ADAMTS17: variants seen among roughly 807,000 people sequenced by gnomAD.
ADAMTS17 encodes the protein A disintegrin and metalloproteinase with thrombospondin motifs 17.
A neutral mutation model predicts 141.5 loss-of-function variants in ADAMTS17; 113 were observed. The observed-to-expected ratio is 0.80, with a 90% confidence interval of 0.69 to 0.93. ADAMTS17 has a LOEUF of 0.93. ADAMTS17 is among the 40% of genes least tolerant of loss of function. The pLI is 0.00. For missense variants in ADAMTS17, 1,659 were observed against 1,517.9 expected (o/e 1.09, Z -1.54); for synonymous variants, 768 against 630.6 (o/e 1.22, Z -3.27).
intron 8 of ADAMTS17, among the ~76,000 whole-genome samples, chr15:100,165,549 A>G (rs1366475007): frequency 6.6e-6 from 1 of 152,238 alleles, no homozygotes; most frequent in Non-Finnish European, 1.5e-5. Context: ...AAATGCATCT[A>G]GAGCCAATGC....
chr15:100,262,727 T>C (rs2043568562), intron 4 of ADAMTS17, among the ~76,000 whole-genome samples: 1 of 150,680 alleles, frequency 6.6e-6, no homozygotes, highest in Non-Finnish European at 1.5e-5. Flanking sequence ...ACAAATTCCA[T>C]TCATAACAAA....
intron 7 of ADAMTS17, among the ~76,000 whole-genome samples, chr15:100,206,870 C>G (rs997609674): frequency 6.6e-6 from 1 of 152,190 alleles, no homozygotes; most frequent in African/African-American, 2.4e-5. Context: ...TGATCTTTCT[C>G]AGCATTTCTG....
intron 15 of ADAMTS17, chr15:100,063,774 G>C (rs771585108): frequency 1.6e-6 from 2 of 1,288,726 alleles, no homozygotes; most frequent in South Asian, 1.2e-5. Flanking sequence ...AGCAACAAAC[G>C]ACACAGAAGT....
chr15:100,105,278 G>C (rs2036345194), intron 14 of ADAMTS17, among the ~76,000 whole-genome samples: 1 of 152,304 alleles, frequency 6.6e-6, no homozygotes, highest in Admixed American at 6.5e-5. Flanking sequence ...GGCTCCCAAG[G>C]AGCAAAAGAC....
intron 15 of ADAMTS17, among the ~76,000 whole-genome samples, chr15:100,069,406 C>T (rs1255332323): frequency 6.6e-6 from 1 of 152,194 alleles, no homozygotes; most frequent in Admixed American, 6.5e-5. Context: ...CACAAAGATA[C>T]TCCTTGAGAA....
chr15:100,255,271 G>A (rs915286236), intron 6 of ADAMTS17, among the ~76,000 whole-genome samples: 3 of 152,216 alleles, frequency 2.0e-5, no homozygotes, highest in Admixed American at 1.3e-4. Flanking sequence ...GGACTCAGCC[G>A]GCTGAGGAGC....
intron 7 of ADAMTS17, among the ~76,000 whole-genome samples, chr15:100,228,761 A>T (rs1250058867): frequency 6.6e-6 from 1 of 152,190 alleles, no homozygotes; most frequent in East Asian, 1.9e-4. Flanking sequence ...TCTGCCTGGC[A>T]AGGGCAGGTG....
intron 2 of ADAMTS17, 49 bp from the exon 3 acceptor site, chr15:100,331,103 C>T (rs1738309664): frequency 6.2e-7 from 1 of 1,610,784 alleles, no homozygotes; most frequent in Non-Finnish European, 8.5e-7. Context: ...CTCACTCACA[C>T]ACGCCCATGG....
rs114982506 is a variant in ADAMTS17 at position 100,164,694 on chromosome 15, G to A, written c.1182-9374C>T. ...CATACTATAAGGCAGGTGGACTGGC[G>A]GGGAAAGGAAAAGTTCCCACCCCAC... On this transcript the variant is annotated intron_variant, in intron 8 of 21. Coordinates refer to ENST00000268070, the MANE Select transcript of ADAMTS17 (RefSeq NM_139057.4). 3.0e-3 allele frequency among the ~76,000 whole-genome samples: 456 copies of A among 152,226 alleles called. 1 individual carries two copies. The highest frequency in any genetic ancestry group is 0.01 in the African/African-American group (424 of 41,542).
chr15:100,094,132 T>C (rs748641134), intron 15 of ADAMTS17, among the ~76,000 whole-genome samples: 6 of 152,310 alleles, frequency 3.9e-5, no homozygotes, highest in African/African-American at 1.4e-4. Context: ...TGTGTGACAA[T>C]TGGCAATCAC....
chr15:100,287,577 C>CA (rs1255960570), intron 3 of ADAMTS17, among the ~76,000 whole-genome samples: 2 of 152,146 alleles, frequency 1.3e-5, no homozygotes, highest in African/African-American at 4.8e-5. Flanking sequence ...CCAAGACACA[C>CA]AGTCATCAGA....
chr15:100,053,926 C>T lies in ADAMTS17; in HGVS notation c.2266G>A (p.Gly756Arg). 1.2e-6 allele frequency: 2 copies of T among 1,614,164 alleles called. No homozygotes were observed. Among genetic ancestry groups the T allele is most frequent in the Non-Finnish European group, 1.7e-6 (2 of 1,180,026 alleles). The change falls in exon 16 of 22, where the codon GGA (glycine) becomes AGA (arginine). Residue 756 changes from glycine (G) to arginine (R), a missense_variant. By Grantham distance (125) the Gly-to-Arg change is moderately radical. Transcript: ENST00000268070. Reference sequence around the variant, plus strand: ...AAGTGCAGCGGTAGTTTGGTTGGTCCCTTGGCAGAGATCTTCTCCCACAGC... The same window carrying T: ...AAGTGCAGCGGTAGTTTGGTTGGTCTCTTGGCAGAGATCTTCTCCCACAGC... ...RGLWEKISAK[G>R]PTKLPLHLMV...
In ADAMTS17 at chr15:100,169,753, C is replaced by T. The variant is rs115867640; in HGVS notation, c.1182-14433G>A. ...GCTCGAAACCAGCAGGAAAATCCCT[C>T]TTGGGGTTAGAGGTGGAAAGCCGGG... On this transcript the variant is annotated intron_variant, in intron 8 of 21. Coordinates refer to ENST00000268070, the MANE Select transcript of ADAMTS17 (RefSeq NM_139057.4). 8.8e-3 allele frequency among the ~76,000 whole-genome samples: 1,336 copies of T among 152,320 alleles called. 26 individuals carry two copies. Among genetic ancestry groups the T allele is most frequent in the African/African-American group, 0.031 (1,270 of 41,566 alleles).
chr15:100,072,674 T>A (rs1306114165), intron 15 of ADAMTS17, among the ~76,000 whole-genome samples: 1 of 152,164 alleles, frequency 6.6e-6, no homozygotes, highest in African/African-American at 2.4e-5. Context: ...CCCTATTTAA[T>A]AAATGGTGGC....
intron 9 of ADAMTS17, 104 bp from the exon 10 acceptor site, chr15:100,152,866 C>T: frequency 1.3e-5 from 19 of 1,428,004 alleles, no homozygotes; most frequent in South Asian, 1.2e-4. Context: ...GAAGAGGGCA[C>T]CTCCACGTTC....
chr15:100,145,130 T>TAC (rs1567249411), intron 10 of ADAMTS17, among the ~76,000 whole-genome samples: 1 of 152,140 alleles, frequency 6.6e-6, no homozygotes, highest in African/African-American at 2.4e-5. Flanking sequence ...TAGACAAACA[T>TAC]ACACACACAT....
chr15:100,253,581 T>C (rs535718876), intron 7 of ADAMTS17, among the ~76,000 whole-genome samples: 1 of 147,828 alleles, frequency 6.8e-6, no homozygotes. Context: ...GAGGGGACGG[T>C]GAAGAAGGAA....
intron 2 of ADAMTS17, among the ~76,000 whole-genome samples, chr15:100,331,348 T>C (rs146145396): frequency 2.0e-5 from 3 of 152,172 alleles, no homozygotes; most frequent in African/African-American, 7.2e-5. Context: ...AAATTTTTAA[T>C]TTTAAAATTA....
In ADAMTS17 at chr15:100,200,655, A is replaced by G. The variant is rs566914160; in HGVS notation, c.1076-1232T>C. ...GAGCTCAGTGCTCCCCTGGCTGTGC[A>G]GTCACATTGGGGGTTGGTGGGCAGT... On this transcript the variant is annotated intron_variant, in intron 7 of 21. Transcript: ENST00000268070. 2.0e-5 allele frequency among the ~76,000 whole-genome samples: 3 copies of G among 152,330 alleles called. No homozygotes were observed. In the South Asian group the frequency reaches 6.2e-4, roughly 32 times the overall value.
Sources: allele counts gnomAD v4.1 joint callset (sites outside exome capture counted in the v4.1 genomes callset), GRCh38; gene constraint gnomAD v4.1.1; transcripts MANE v1.5; gene names NCBI Gene and HGNC (gene_info 2026-07-23, HGNC 2026-07-21).